The following LRRTM4 variants were observed in gnomAD, a reference collection of about 807,000 sequenced individuals.
LRRTM4 encodes leucine-rich repeat transmembrane neuronal protein 4.
A neutral mutation model predicts 47.6 loss-of-function variants in LRRTM4; 25 were observed. The observed-to-expected ratio is 0.53, with a 90% CI of 0.38 to 0.73. LRRTM4 has a LOEUF of 0.73. LRRTM4 is among the 30% of genes least tolerant of loss of function. LRRTM4 has a pLI of 0.00. For synonymous variants in LRRTM4, 311 were observed against 269.5 expected, an observed-to-expected ratio of 1.15 and a Z score of -1.51; for missense variants, 638 against 713.4, an observed-to-expected ratio of 0.89 and a Z score of 1.20.
Position 77,392,955 on chromosome 2 carries a change from A to G in LRRTM4, c.1551+125363T>C, listed in dbSNP as rs942803278. The stretch of plus-strand genomic sequence containing the variant: ...TTTAGCCATTAGACAGCATATACAT[A>G]TATTGAAACATCATGTATGCCATAA... On this transcript the variant is annotated intron_variant, in intron 3 of 3. Transcript: ENST00000409884. Among the ~76,000 whole-genome samples the G allele has an allele frequency of 2.4e-4, 37 of 152,174 alleles. 1 individual carries two copies. Among genetic ancestry groups the G allele is most frequent in the African/African-American group, 7.9e-4 (33 of 41,560 alleles).
At chr2:77,468,917 A>G (rs909645965) in intron 3 of LRRTM4, among the ~76,000 whole-genome samples, 2 of 152,214 alleles carry the variant, frequency 1.3e-5, no homozygotes, top group Admixed American at 1.3e-4. Context: ...CCATTCTGAG[A>G]ACTGAATATC....
chr2:77,292,282 A>C (rs1430410228), intron 3 of LRRTM4, among the ~76,000 whole-genome samples: 2 of 151,134 alleles, frequency 1.3e-5, no homozygotes, highest in South Asian at 4.2e-4. Context: ...TGTGGAAGTC[A>C]GTGTGGTGAT....
intron 3 of LRRTM4, among the ~76,000 whole-genome samples, chr2:76,936,289 G>A (rs1161604983): frequency 6.6e-6 from 1 of 151,924 alleles, no homozygotes; most frequent in African/African-American, 2.4e-5. Flanking sequence ...GCCTTTTCAG[G>A]GACATGGATG....
chr2:76,911,536 G>A (rs938237654), intron 3 of LRRTM4, among the ~76,000 whole-genome samples: 9 of 152,120 alleles, frequency 5.9e-5, no homozygotes, highest in African/African-American at 2.2e-4. Context: ...TCAAGATAAT[G>A]GCAGTGGGAT....
chr2:77,157,102 A>C (rs186594782), intron 3 of LRRTM4, among the ~76,000 whole-genome samples: 19 of 152,268 alleles, frequency 1.2e-4, no homozygotes, highest in African/African-American at 4.6e-4. Context: ...AGATATATCC[A>C]AGGAGGCATT....
intron 3 of LRRTM4, among the ~76,000 whole-genome samples, chr2:77,048,067 T>C (rs1679293444): frequency 6.6e-6 from 1 of 152,120 alleles, no homozygotes; most frequent in African/African-American, 2.4e-5. Context: ...TCTCATCTTA[T>C]ATTTCTCTGC....
rs539521638 is a variant in LRRTM4 at position 77,397,956 on chromosome 2, T to C, written c.1551+120362A>G. ...GACTCACCCATTCTTGAAAAGGTGC[T>C]GGCAGATTTCAAAGGTTGCAAAGCT... On this transcript the variant is annotated intron_variant, in intron 3 of 3. Transcript: ENST00000409884. 7.2e-5 allele frequency among the ~76,000 whole-genome samples: 11 copies of C among 151,910 alleles called. 1 individual carries two copies. The highest frequency in any genetic ancestry group is 6.2e-4 in the South Asian group (3 of 4,816).
chr2:76,885,215 C>T (rs1673035489), intron 3 of LRRTM4, among the ~76,000 whole-genome samples: 1 of 151,948 alleles, frequency 6.6e-6, no homozygotes, highest in Non-Finnish European at 1.5e-5. Context: ...ATTACTTCTA[C>T]AAATAATAAA....
intron 3 of LRRTM4, among the ~76,000 whole-genome samples, chr2:76,836,113 T>C (rs1053396417): frequency 4.0e-5 from 6 of 150,898 alleles, no homozygotes. Context: ...TTTTCTAAGG[T>C]GTATTTGAAG....
chr2:76,795,373 TATA>T (rs1558658246), intron 3 of LRRTM4, among the ~76,000 whole-genome samples: 10 of 151,578 alleles, frequency 6.6e-5, no homozygotes, highest in South Asian at 2.1e-4. Context: ...ACCAACTTTA[TATA>T]AGACAATTAA....
At chr2:77,117,157 A>G (rs1351677867) in intron 3 of LRRTM4, among the ~76,000 whole-genome samples, 1 of 152,070 alleles carries the variant, frequency 6.6e-6, no homozygotes, top group African/African-American at 2.4e-5. Context: ...GCTAAATGGT[A>G]TTCTTTTGTA....
At chr2:76,823,755 T>C (rs962939420) in intron 3 of LRRTM4, among the ~76,000 whole-genome samples, 5 of 151,450 alleles carry the variant, frequency 3.3e-5, no homozygotes, top group African/African-American at 1.2e-4. Flanking sequence ...ACACATTAAG[T>C]CTTCTAGATA....
At chr2:77,018,045 G>C (rs1678132167) in intron 3 of LRRTM4, among the ~76,000 whole-genome samples, 1 of 151,214 alleles carries the variant, frequency 6.6e-6, no homozygotes, top group Non-Finnish European at 1.5e-5. Context: ...ATATATACTT[G>C]ACTTCTTTTT....
chr2:76,994,769 A>T (rs1198674259), intron 3 of LRRTM4, among the ~76,000 whole-genome samples: 1 of 152,040 alleles, frequency 6.6e-6, no homozygotes, highest in Non-Finnish European at 1.5e-5. Context: ...AAGGAAATCC[A>T]GCAAATAATT....
chr2:76,836,172 A>T (rs1573188450), intron 3 of LRRTM4, among the ~76,000 whole-genome samples: 2 of 151,954 alleles, frequency 1.3e-5, no homozygotes, highest in African/African-American at 4.8e-5. Flanking sequence ...AAAAAAAAAA[A>T]AAATAACAGT....
At chr2:77,277,180 A>G (rs1676384886) in intron 3 of LRRTM4, among the ~76,000 whole-genome samples, 1 of 152,042 alleles carries the variant, frequency 6.6e-6, no homozygotes, top group Non-Finnish European at 1.5e-5. Context: ...CTTTGGAAAC[A>G]GTTACATGCA....
intron 3 of LRRTM4, among the ~76,000 whole-genome samples, chr2:76,947,431 T>C (rs919698738): frequency 2.6e-4 from 39 of 151,896 alleles, no homozygotes; most frequent in African/African-American, 9.2e-4. Flanking sequence ...ATAGTCATTA[T>C]ACACTAAATA....
At chr2:76,962,427 A>G (rs1034833943) in intron 3 of LRRTM4, among the ~76,000 whole-genome samples, 1 of 150,956 alleles carries the variant, frequency 6.6e-6, no homozygotes, top group Non-Finnish European at 1.5e-5. Flanking sequence ...ATAACAATAT[A>G]CTATCTAGAT....
chr2:76,974,451 G>A lies in LRRTM4; in HGVS notation c.1552-225535C>T, dbSNP rs116350591. ...TTATATTATTATTGTTACAACATAT[G>A]GAACATTTTATAATATTAACTAAAC... is the stretch of plus-strand genomic sequence containing the variant. On this transcript the variant is annotated intron_variant, in intron 3 of 3. Transcript: ENST00000409884. Among the ~76,000 whole-genome samples the A allele has an allele frequency of 2.2e-3, 330 of 150,698 alleles. 7 individuals are homozygous for A. Among genetic ancestry groups the A allele is most frequent in the African/African-American group, 7.8e-3 (320 of 41,260 alleles).
Sources: allele counts gnomAD v4.1 joint callset (sites outside exome capture counted in the v4.1 genomes callset), GRCh38; gene constraint gnomAD v4.1.1; transcripts MANE v1.5; gene names NCBI Gene and HGNC (gene_info 2026-07-23, HGNC 2026-07-21).